The following PDK1 variants were observed in gnomAD, a reference collection of about 807,000 sequenced individuals.
The protein encoded by PDK1 is [Pyruvate dehydrogenase (acetyl-transferring)] kinase isozyme 1, mitochondrial.
A neutral mutation model predicts 54.2 loss-of-function variants in PDK1; 39 were observed. That is an observed-to-expected ratio of 0.72 (90% CI 0.56 to 0.94). The LOEUF (loss-of-function observed/expected upper bound fraction) is 0.94. Ranked by LOEUF, PDK1 falls within the 40% of genes least tolerant of loss-of-function variation. The pLI is 0.00. For synonymous variants in PDK1, 221 were observed against 207.1 expected, an observed-to-expected ratio of 1.07 and a Z score of -0.58; for missense variants, 552 against 566.0, an observed-to-expected ratio of 0.98 and a Z score of 0.25.
chr2:172,660,639 C>A, the PDK1 span, among the ~76,000 whole-genome samples: 5 of 152,028 alleles, frequency 3.3e-5, no homozygotes, highest in Non-Finnish European at 7.3e-5. Context: ...GGGCTAACAT[C>A]TCCCTTGAAA....
At chr2:172,687,112 G>A in the PDK1 span, among the ~76,000 whole-genome samples, 1 of 146,026 alleles carries the variant, frequency 6.8e-6, no homozygotes, top group Non-Finnish European at 1.6e-5. Context: ...ATATTATATA[G>A]TAATATGTAG....
the PDK1 span, among the ~76,000 whole-genome samples, chr2:172,657,922 A>G: frequency 6.6e-6 from 1 of 152,190 alleles, no homozygotes; most frequent in Admixed American, 6.5e-5. Context: ...TTCTGGTGAG[A>G]CCCTCAGGCT....
At chr2:172,589,984 T>C (rs964339319) in intron 9 of PDK1, among the ~76,000 whole-genome samples, 4 of 152,170 alleles carry the variant, frequency 2.6e-5, no homozygotes, top group African/African-American at 9.7e-5. Flanking sequence ...GACCTGATCT[T>C]ACCAGGTCTA....
At chr2:172,715,333 A>G in the PDK1 span, among the ~76,000 whole-genome samples, 1 of 152,174 alleles carries the variant, frequency 6.6e-6, no homozygotes, top group African/African-American at 2.4e-5. Context: ...CCAAGTTCTC[A>G]GACAGCTCAG....
chr2:172,639,021 T>C, the PDK1 span, among the ~76,000 whole-genome samples: 6 of 152,202 alleles, frequency 3.9e-5, no homozygotes, highest in African/African-American at 1.4e-4. Context: ...TTTTAGTACC[T>C]TTTTAAAAAA....
At chr2:172,670,240 T>A in the PDK1 span, among the ~76,000 whole-genome samples, 1 of 152,186 alleles carries the variant, frequency 6.6e-6, no homozygotes, top group African/African-American at 2.4e-5. Context: ...AATTTGTAAA[T>A]TTTACACAGA....
rs186942827 is a variant in PDK1 at position 172,608,443 on chromosome 2, G to A, written c.*12474G>A. The A allele has an allele frequency of 1.4e-5, 2 of 145,352 alleles. No individual in the cohort carries two copies. The highest frequency in any genetic ancestry group is 3.0e-5 in the Non-Finnish European group (2 of 66,252). 9.0% of individuals were successfully genotyped at this position (145,352 alleles called of 1,614,324 possible). A position where few individuals can be genotyped will look rare whatever the true frequency, so the allele number is the denominator to read the frequency against. On this transcript the variant is annotated 3_prime_UTR_variant, in exon 11 of 11. Transcript: ENST00000282077. ...CTCAGAAGAAGTTAGTATTAACGGG[G>A]ATATGAAAGAACCTCCAGTTACTAT... is the stretch of plus-strand genomic sequence containing the variant.
At chr2:172,721,400 G>T in the PDK1 span, among the ~76,000 whole-genome samples, 26 of 152,232 alleles carry the variant, frequency 1.7e-4, no homozygotes, top group Admixed American at 1.0e-3. Flanking sequence ...GAGTGCAGTG[G>T]CATGATCTCA....
At chr2:172,644,818 A>C in the PDK1 span, among the ~76,000 whole-genome samples, 11 of 152,230 alleles carry the variant, frequency 7.2e-5, no homozygotes, top group Non-Finnish European at 1.6e-4. Context: ...AAGGAGTGTG[A>C]TGTCAGTCAG....
At chr2:172,636,192 G>C in the PDK1 span, among the ~76,000 whole-genome samples, 1 of 152,222 alleles carries the variant, frequency 6.6e-6, no homozygotes, top group Admixed American at 6.5e-5. Context: ...TTGCTATAAA[G>C]GAATGCCAGA....
At chr2:172,645,110 A>G in the PDK1 span, among the ~76,000 whole-genome samples, 2 of 152,116 alleles carry the variant, frequency 1.3e-5, no homozygotes, top group Admixed American at 1.3e-4. Context: ...GGGTATCTTG[A>G]AATTAGCTGT....
rs1691310407 is a variant in PDK1, at chr2:172,606,749, A to C, written c.*10780A>C. 2 of 151,984 alleles carry C rather than the reference A, an allele frequency of 1.3e-5. 1 individual carries two copies. Among genetic ancestry groups the C allele is most frequent in the South Asian group, 4.1e-4 (2 of 4,824 alleles). The allele number at this position is 151,984 out of a possible 1,614,324, so 9.4% of individuals were successfully genotyped here. A position where few individuals can be genotyped will look rare whatever the true frequency, so the allele number is the denominator to read the frequency against. On this transcript the variant is annotated 3_prime_UTR_variant, in exon 11 of 11. Coordinates refer to ENST00000282077, the MANE Select transcript of PDK1 (RefSeq NM_002610.5). ...CTTTCCTTTTTTTTTTAAAAAAAAA[A>C]AAAAACCTTTTTCATGTTGAAGTTC...
the PDK1 span, among the ~76,000 whole-genome samples, chr2:172,712,355 G>A: frequency 5.4e-3 from 817 of 152,340 alleles, 14 homozygotes; most frequent in African/African-American, 0.019. Context: ...CTTTGCCCGA[G>A]TTTTGCTTGG....
the PDK1 span, among the ~76,000 whole-genome samples, chr2:172,703,373 G>GT: frequency 1.3e-5 from 2 of 152,176 alleles, no homozygotes; most frequent in Non-Finnish European, 1.5e-5. Flanking sequence ...CGAGTTTCTA[G>GT]TAATTTGTTA....
the PDK1 span, among the ~76,000 whole-genome samples, chr2:172,684,685 G>A: frequency 6.6e-6 from 1 of 152,094 alleles, no homozygotes; most frequent in Non-Finnish European, 1.5e-5. Flanking sequence ...GTCTCAGCAA[G>A]GACATTATTA....
Position 172,565,032 on chromosome 2 carries a change from G to A in PDK1, c.650G>A (p.Gly217Glu), listed in dbSNP as rs2149211090. Residue 217 changes from glycine to glutamate, a missense_variant, in exon 5 of 11, where the codon GGA becomes GAA. By Grantham distance (98) the Gly-to-Glu change is moderately conservative. Transcript: ENST00000282077. ...KGSPSHRKHI[G>E]SINPNCNVLE... ...AGTCCATCTCATCGAAAACACATTG[G>A]AAGCATAAATCCAAACTGCAATGTA... 1.2e-6 allele frequency: 2 copies of A among 1,611,804 alleles called. No homozygotes were observed. Among genetic ancestry groups the A allele is most frequent in the Non-Finnish European group, 1.7e-6 (2 of 1,178,046 alleles).
chr2:172,578,487 T>G (rs116281629), intron 8 of PDK1, among the ~76,000 whole-genome samples: 503 of 152,346 alleles, frequency 3.3e-3, no homozygotes, highest in Non-Finnish European at 5.9e-3. Context: ...TGTTGTATCG[T>G]TTAAAATTTT....
Position 172,603,777 on chromosome 2 carries a change from G to A in PDK1, c.*7808G>A, listed in dbSNP as rs916010910. 1 of 152,172 alleles carries A rather than the reference G, an allele frequency of 6.6e-6. No individual in the cohort carries two copies. The highest frequency in any genetic ancestry group is 1.5e-5 in the Non-Finnish European group (1 of 68,030). 9.4% of individuals were successfully genotyped at this position (152,172 alleles called of 1,614,324 possible). On this transcript the variant is annotated 3_prime_UTR_variant, in exon 11 of 11. Coordinates refer to ENST00000282077, the MANE Select transcript of PDK1 (RefSeq NM_002610.5). ...AGTTGATAAGACCTCTTATGCCTGTGAATGGAAGGCCCTGATAAAACTTCA... is the reference window on the plus strand; with the variant it reads ...AGTTGATAAGACCTCTTATGCCTGTAAATGGAAGGCCCTGATAAAACTTCA...
In PDK1 at chr2:172,596,051, A is replaced by G. The variant is rs1009662542; in HGVS notation, c.*82A>G. On this transcript the variant is annotated 3_prime_UTR_variant, in exon 11 of 11. Transcript: ENST00000282077. The stretch of plus-strand genomic sequence containing the variant: ...ATGGTGTTCAGAACTATATTATACC[A>G]AGTACTTTATTTATCGTTTTCACAA... 8.7e-7 allele frequency: 1 copy of G among 1,149,082 alleles called. No individual in the cohort carries two copies. The highest frequency in any genetic ancestry group is 1.5e-5 in the African/African-American group (1 of 64,628). The allele number at this position is 1,149,082 out of a possible 1,614,324, so 71.2% of individuals were successfully genotyped here. A position where few individuals can be genotyped will look rare whatever the true frequency, so the allele number is the denominator to read the frequency against.
Sources: gnomAD v4.1 joint callset for allele counts (sites outside exome capture counted in the v4.1 genomes callset) on GRCh38, gnomAD v4.1.1 for gene constraint, MANE v1.5 for transcripts, NCBI Gene and HGNC (gene_info 2026-07-23, HGNC 2026-07-21) for gene names.